Variants in SYNE1 observed in about 807,000 individuals in gnomAD.
SYNE1 encodes the protein spectrin repeat containing nuclear envelope protein 1.
In SYNE1, 616 loss-of-function variants were observed where a neutral mutation model predicts 1,111.0. The ratio of observed to expected loss-of-function variants is 0.55; its 90% CI spans 0.52 to 0.59. SYNE1 has a LOEUF of 0.59. Ranked by LOEUF, SYNE1 falls within the 20% of genes least tolerant of loss-of-function variation. The pLI, the probability that SYNE1 is intolerant of heterozygous loss-of-function variation, is 0.00. For synonymous variants in SYNE1, 3,855 were observed against 3,825.8 expected (o/e 1.01, Z -0.28); for missense variants, 10,006 against 10,417.0 (o/e 0.96, Z 1.72).
intron 140 of SYNE1, among the ~76,000 whole-genome samples, chr6:152,137,091 C>T (rs2057263361): frequency 6.6e-6 from 1 of 152,104 alleles, no homozygotes. Context: ...ACAACAGCCT[C>T]AATACATTCA....
chr6:152,125,143 A>C, intron 145 of SYNE1: 1 of 1,095,880 alleles, frequency 9.1e-7, no homozygotes, highest in Non-Finnish European at 1.3e-6. Context: ...AGTTAAAGGA[A>C]GAGGCCTAGC....
chr6:152,161,079 CGA>C, intron 131 of SYNE1, among the ~76,000 whole-genome samples: 1 of 149,918 alleles, frequency 6.7e-6, no homozygotes, highest in African/African-American at 2.4e-5. Flanking sequence ...AACAATAATG[CGA>C]GAGTTTCAAA....
chr6:152,354,959 A>C lies in SYNE1; in HGVS notation c.10626T>G (p.Cys3542Trp), dbSNP rs2096808025. 2 of 1,614,066 alleles carry C rather than the reference A, an allele frequency of 1.2e-6. No homozygotes were observed. Among genetic ancestry groups the C allele is most frequent in the African/African-American group, 2.7e-5 (2 of 75,044 alleles). Residue 3542 changes from cysteine (C) to tryptophan (W), a missense_variant, in exon 67 of 146, where the codon TGT becomes TGG. Cys to Trp is a radical substitution (Grantham distance 215, BLOSUM62 -2). Transcript: ENST00000367255. The stretch of plus-strand genomic sequence containing the variant: ...AGTTCAACAGGGCCTGCCCCTCTGC[A>C]CAGTGTACCTGTAGCTCCTGCAGAG... ...LRDLQELQVH[C>W]AEGQALLNSV...
intron 48 of SYNE1, among the ~76,000 whole-genome samples, 167 bp from the exon 49 acceptor site, chr6:152,398,898 G>A (rs1164996541): frequency 6.6e-6 from 1 of 152,142 alleles, no homozygotes; most frequent in Non-Finnish European, 1.5e-5. Flanking sequence ...AAGTAATACA[G>A]TATGATCTAC....
At chr6:152,634,849 G>A (rs536193042) in intron 2 of SYNE1, among the ~76,000 whole-genome samples, 7 of 152,266 alleles carry the variant, frequency 4.6e-5, no homozygotes, top group East Asian at 3.9e-4. Flanking sequence ...ATTAGTTCTC[G>A]TTAGATTAGA....
At chr6:152,317,486 G>A (rs1413993879) in intron 86 of SYNE1, among the ~76,000 whole-genome samples, 2 of 151,978 alleles carry the variant, frequency 1.3e-5, no homozygotes, top group Admixed American at 1.3e-4. Context: ...AAAGTACTAG[G>A]ATTATAGGTA....
chr6:152,195,931 A>G (rs1313851858), intron 127 of SYNE1, among the ~76,000 whole-genome samples: 1 of 152,032 alleles, frequency 6.6e-6, no homozygotes. Context: ...GGAGTTGGAA[A>G]CCTTAGAAAT....
intron 95 of SYNE1, among the ~76,000 whole-genome samples, chr6:152,290,824 C>T (rs546591656): frequency 2.8e-4 from 42 of 152,084 alleles, no homozygotes; most frequent in African/African-American, 1.0e-3. Context: ...TATAACAGTG[C>T]TTGACATTTT....
intron 143 of SYNE1, among the ~76,000 whole-genome samples, chr6:152,133,025 G>A (rs1460091003): frequency 6.6e-6 from 1 of 152,160 alleles, no homozygotes; most frequent in Non-Finnish European, 1.5e-5. Flanking sequence ...TGCCACAGCA[G>A]TTGTGGTAAT....
intron 128 of SYNE1, among the ~76,000 whole-genome samples, chr6:152,182,069 C>CA (rs2153194197): frequency 6.6e-6 from 1 of 152,314 alleles, no homozygotes; most frequent in South Asian, 2.1e-4. Context: ...ATTATCTACT[C>CA]AAATCCGTTG....
intron 5 of SYNE1, among the ~76,000 whole-genome samples, chr6:152,524,861 C>G (rs901058373): frequency 6.6e-5 from 10 of 152,068 alleles, no homozygotes; most frequent in Non-Finnish European, 1.5e-4. Context: ...TCAGAATTAC[C>G]CTGTAATTTT....
intron 3 of SYNE1, among the ~76,000 whole-genome samples, chr6:152,612,084 G>A (rs2099632917): frequency 1.3e-5 from 2 of 150,544 alleles, no homozygotes; most frequent in Non-Finnish European, 3.0e-5. Context: ...ACAATTAAAA[G>A]AACTAGAGAA....
Position 152,231,402 on chromosome 6 carries a change from C to G in SYNE1, c.21028G>C (p.Val7010Leu). 6.2e-7 allele frequency: 1 copy of G among 1,614,120 alleles called. No individual in the cohort carries two copies. The highest frequency in any genetic ancestry group is 8.5e-7 in the Non-Finnish European group (1 of 1,180,004). Reference protein sequence around the residue: ...NKSWQILQGLVTEKIQLLEGL... With the variant: ...NKSWQILQGLLTEKIQLLEGL... ...AGCCACTGGCTTACCTTCTCAGTTA[C>G]TAGACCTTGCAGAATTTGCCAACTT... The change falls in exon 114 of 146, where the codon GTA (valine) becomes CTA (leucine). Residue 7010 changes from valine (V) to leucine (L), a missense_variant. Val to Leu is a conservative substitution (Grantham distance 32). This residue lies in a region of SYNE1 where 2,182 missense variants were observed against 2,287.8 expected (regional missense o/e 0.95). Transcript: ENST00000367255.
At chr6:152,245,846 C>T (rs750131561) in intron 105 of SYNE1, among the ~76,000 whole-genome samples, 1 of 152,006 alleles carries the variant, frequency 6.6e-6, no homozygotes, top group Admixed American at 6.6e-5. Flanking sequence ...TTTTTCTTCC[C>T]GGGTAAAAGA....
intron 92 of SYNE1, among the ~76,000 whole-genome samples, chr6:152,301,179 T>C (rs1191118304): frequency 2.0e-5 from 3 of 151,846 alleles, no homozygotes; most frequent in Middle Eastern, 3.4e-3. Context: ...GGAAGATAAA[T>C]GCACCCAAAG....
At chr6:152,328,691 C>A (rs1490719879) in intron 78 of SYNE1, among the ~76,000 whole-genome samples, 4 of 152,056 alleles carry the variant, frequency 2.6e-5, no homozygotes. Flanking sequence ...GGATTAAAGG[C>A]GTGAGCCACC....
intron 3 of SYNE1, among the ~76,000 whole-genome samples, chr6:152,605,070 GAGGAAAGA>G (rs1488303940): frequency 3.4e-4 from 12 of 35,762 alleles, no homozygotes; most frequent in East Asian, 9.8e-4. Context: ...GGGAGGGAGG[GAGGAAAGA>G]AGGAAGGAAG....
rs1025240453 is a variant in SYNE1 at position 152,249,412 on chromosome 6, A to G, written c.19471-150T>C. The stretch of plus-strand genomic sequence containing the variant: ...ACTGTGCTATGGGAAGGTAAAAGGA[A>G]CTGGTAACAATTTACTTATGTGCTA... On this transcript the variant is annotated intron_variant, in intron 104 of 145. Transcript: ENST00000367255. The G allele has an allele frequency of 2.6e-5, 18 of 681,210 alleles. No homozygotes were observed. In the African/African-American group the frequency reaches 3.2e-4, roughly 12 times the overall value. The allele number at this position is 681,210 out of a possible 1,614,324, so 42.2% of individuals were successfully genotyped here. A position where few individuals can be genotyped will look rare whatever the true frequency, so the allele number is the denominator to read the frequency against.
chr6:152,164,385 G>A (rs1436582312), intron 130 of SYNE1, 60 bp from the exon 131 acceptor site: 1 of 1,594,762 alleles, frequency 6.3e-7, no homozygotes, highest in Admixed American at 1.7e-5. Flanking sequence ...TGTTTCTCTA[G>A]CGTGCAGAGG....
Sources: allele counts gnomAD v4.1 joint callset (sites outside exome capture counted in the v4.1 genomes callset), GRCh38; gene constraint gnomAD v4.1.1; regional missense constraint gnomAD v4.1.1; transcripts MANE v1.5; gene names NCBI Gene and HGNC (gene_info 2026-07-23, HGNC 2026-07-21).